Variants in MRPL43 observed in about 807,000 individuals in gnomAD.
The protein encoded by MRPL43 is large ribosomal subunit protein mL43.
A neutral mutation model predicts 12.7 loss-of-function variants in MRPL43; 9 were observed. The observed-to-expected ratio is 0.71, with a 90% confidence interval of 0.43 to 1.24. The LOEUF is 1.24. MRPL43 is among the 50% of genes most tolerant of loss of function. The probability of loss-of-function intolerance (pLI) is 0.00; values close to 1 mark genes in which losing one functional copy is unlikely to be tolerated. For synonymous variants in MRPL43, 116 were observed against 96.4 expected (o/e 1.20, Z -1.19); for missense variants, 211 against 229.2 (o/e 0.92, Z 0.51).
chr10:100,984,860 TC>T (rs1851354331), downstream of MRPL43: 12 of 1,491,072 alleles, frequency 8.0e-6, no homozygotes, highest in Non-Finnish European at 1.1e-5. Flanking sequence ...TGAATCAGCC[TC>T]CCCACTCTCC....
downstream of MRPL43, chr10:100,978,332 A>G (rs748582901): frequency 8.1e-6 from 13 of 1,613,646 alleles, no homozygotes; most frequent in Non-Finnish European, 1.0e-5. Flanking sequence ...AGCTTCGAGG[A>G]GGGGAAGGAG....
At chr10:100,977,935 C>A, downstream of MRPL43, 1 of 588,162 alleles carries the variant, frequency 1.7e-6, no homozygotes, top group Non-Finnish European at 3.0e-6. Flanking sequence ...ATAGCATTTT[C>A]ACTTAGCATC....
At chr10:100,984,347 G>A (rs1331866472), downstream of MRPL43, 4 of 1,441,514 alleles carry the variant, frequency 2.8e-6, no homozygotes, top group Non-Finnish European at 3.6e-6. Flanking sequence ...GCCCATCGGT[G>A]CTCCTCAGAG....
downstream of MRPL43, chr10:100,984,554 T>C (rs1381487456): frequency 6.5e-7 from 1 of 1,536,200 alleles, no homozygotes; most frequent in Non-Finnish European, 8.7e-7. Flanking sequence ...GTGTGCTGGA[T>C]GGTCCTGAAA....
intron 1 of MRPL43, 42 bp from the exon 2 acceptor site, chr10:100,987,238 G>A: frequency 6.2e-7 from 1 of 1,612,990 alleles, no homozygotes; most frequent in African/African-American, 1.3e-5. Context: ...CCCTGACTGG[G>A]GGCGACCTAC....
At chr10:100,980,678 C>A, downstream of MRPL43, 1 of 1,613,602 alleles carries the variant, frequency 6.2e-7, no homozygotes, top group South Asian at 1.1e-5. Context: ...AAAATCTAGT[C>A]ATCTCTCTAT....
downstream of MRPL43, chr10:100,985,011 C>T (rs765696472): frequency 4.7e-5 from 56 of 1,191,906 alleles, no homozygotes; most frequent in Non-Finnish European, 6.0e-5. Context: ...CTGTCTTGGA[C>T]CTGTCTGTTG....
At chr10:100,982,740 T>C (rs533663163), downstream of MRPL43, among the ~76,000 whole-genome samples, 1 of 152,118 alleles carries the variant, frequency 6.6e-6, no homozygotes, top group East Asian at 1.9e-4. Flanking sequence ...TGCAGTGAGC[T>C]GAGATCACGT....
rs1372169404 is a variant in MRPL43 at position 100,986,429 on chromosome 10, G to A, written c.*305C>T. 6.6e-6 allele frequency: 10 copies of A among 1,506,966 alleles called. No individual in the cohort carries two copies. Among genetic ancestry groups the A allele is most frequent in the African/African-American group, 2.8e-5 (2 of 70,982 alleles). 93.3% of individuals were successfully genotyped at this position (1,506,966 alleles called of 1,614,324 possible). ...GAAGCCAGCCTTCAGACCTCTCACT[G>A]TGTTTTGAGATCATTATTATCAATT... On this transcript the variant is annotated 3_prime_UTR_variant, in exon 3 of 3. Transcript: ENST00000318364.
At chr10:100,981,442 GTGTCTTGTCACTTC>G (rs1246299379), downstream of MRPL43, 1 of 1,614,114 alleles carries the variant, frequency 6.2e-7, no homozygotes. Context: ...AAGATGTGAA[GTGTCTTGTCACTTC>G]TGGAGCTTAT....
chr10:100,979,850 A>G (rs184755985), downstream of MRPL43: 8 of 1,613,492 alleles, frequency 5.0e-6, no homozygotes, highest in African/African-American at 9.3e-5. Flanking sequence ...CATTCTAGGA[A>G]GACCCTGGAG....
downstream of MRPL43, chr10:100,983,339 C>A: frequency 6.3e-7 from 1 of 1,587,202 alleles, no homozygotes; most frequent in Non-Finnish European, 8.6e-7. Context: ...GCTCTGTGCT[C>A]CGGGGTGATG....
rs777285180 is a variant in MRPL43, at chr10:100,987,368, G to C, written c.76C>G (p.Leu26Val). The change falls in exon 1 of 3, where the codon CTG becomes GTG. Residue 26 changes from leucine (L) to valine (V), a missense_variant. Coordinates refer to ENST00000318364, the MANE Select transcript of MRPL43 (RefSeq NM_032112.3). ...HNGLGRYVQQ[L>V]QRLSFSVSRD... is the part of the protein sequence containing the mutation. The stretch of plus-strand genomic sequence containing the variant: ...CTGACGCTGAAGCTCAGACGCTGCA[G>C]CTGCTGCACATAGCGACCCAGTCCG... 2 of 1,612,642 alleles carry C rather than the reference G, an allele frequency of 1.2e-6. No homozygotes were observed. The highest frequency in any genetic ancestry group is 1.7e-6 in the Non-Finnish European group (2 of 1,179,920).
At chr10:100,987,004 A>G (rs757316333) in intron 2 of MRPL43, 29 bp from the exon 3 acceptor site, 5 of 1,605,158 alleles carry the variant, frequency 3.1e-6, no homozygotes, top group Non-Finnish European at 4.2e-6. Context: ...GAGTGGGTGG[A>G]AGCTGGCCGG....
At chr10:100,977,969 G>A, downstream of MRPL43, 1 of 571,130 alleles carries the variant, frequency 1.8e-6, no homozygotes, top group Non-Finnish European at 3.1e-6. Flanking sequence ...CCTCCACCTG[G>A]CAAACTTCAT....
At chr10:100,983,353 T>C, downstream of MRPL43, 2 of 1,599,130 alleles carry the variant, frequency 1.3e-6, no homozygotes, top group Non-Finnish European at 1.7e-6. Flanking sequence ...GGTGATGATG[T>C]CCTCCTGCCC....
At chr10:100,978,162 G>C, downstream of MRPL43, 1 of 632,790 alleles carries the variant, frequency 1.6e-6, no homozygotes, top group Non-Finnish European at 2.8e-6. Flanking sequence ...TTAAGTTATT[G>C]CTGTCAGGTG....
chr10:100,984,272 T>G, downstream of MRPL43: 1 of 1,441,828 alleles, frequency 6.9e-7, no homozygotes, highest in Non-Finnish European at 9.1e-7. Context: ...CCTGTAGGGC[T>G]GGCCAGTCAG....
chr10:100,985,097 A>T (rs1411538590), downstream of MRPL43: 1 of 553,322 alleles, frequency 1.8e-6, no homozygotes, highest in East Asian at 3.0e-5. Flanking sequence ...CCTAGGATGG[A>T]TGACCAACAC....
Sources: allele counts gnomAD v4.1 joint callset (sites outside exome capture counted in the v4.1 genomes callset), GRCh38; gene constraint gnomAD v4.1.1; transcripts MANE v1.5; gene names NCBI Gene and HGNC (gene_info 2026-07-23, HGNC 2026-07-21).